The following ASTN2 variants were observed in gnomAD, a reference collection of about 807,000 sequenced individuals.
The protein encoded by ASTN2 is astrotactin 2, also known as astrotactin-2.
A neutral mutation model predicts 139.8 loss-of-function variants in ASTN2; 54 were observed. The observed-to-expected ratio is 0.39, with a 90% CI of 0.31 to 0.48. The LOEUF (loss-of-function observed/expected upper bound fraction) is 0.48, where lower values mean the gene tolerates loss of function less well. Among genes scored for constraint, ASTN2 ranks in the 20% least tolerant of loss-of-function variants. ASTN2 has a pLI of 0.95. For synonymous variants in ASTN2, 756 were observed against 719.5 expected, an observed-to-expected ratio of 1.05 and a Z score of -0.81; for missense variants, 1,565 against 1,725.1, an observed-to-expected ratio of 0.91 and a Z score of 1.64.
At chr9:117,096,016 T>A in intron 5 of ASTN2, 28 bp downstream of exon 5, 1 of 1,601,020 alleles carries the variant, frequency 6.2e-7, no homozygotes. Flanking sequence ...CAAACTCTGG[T>A]TCTGGAACCT....
At chr9:116,562,733 T>TAAAA (rs35878476) in intron 19 of ASTN2, among the ~76,000 whole-genome samples, 18 of 64,442 alleles carry the variant, frequency 2.8e-4, no homozygotes, top group Non-Finnish European at 4.2e-4. Flanking sequence ...ACTGCCTCAT[T>TAAAA]AAAAAAAAAA....
chr9:117,204,189 T>C (rs1831833089), intron 3 of ASTN2, among the ~76,000 whole-genome samples: 1 of 152,228 alleles, frequency 6.6e-6, no homozygotes, highest in South Asian at 2.1e-4. Context: ...GGGACCAAGC[T>C]GTGTAGCCTC....
At chr9:116,503,023 GA>G (rs1564323908) in intron 19 of ASTN2, among the ~76,000 whole-genome samples, 1 of 130,310 alleles carries the variant, frequency 7.7e-6, no homozygotes, top group Non-Finnish European at 1.6e-5. Flanking sequence ...TGAAAGGAAA[GA>G]AAAAAGGAGG....
At chr9:116,882,137 C>A (rs1481981006) in intron 10 of ASTN2, among the ~76,000 whole-genome samples, 1 of 152,170 alleles carries the variant, frequency 6.6e-6, no homozygotes, top group East Asian at 1.9e-4. Context: ...TAAGTACCTG[C>A]TCTTTCTGGC....
At chr9:116,497,399 G>C (rs991585374) in intron 19 of ASTN2, among the ~76,000 whole-genome samples, 1 of 152,198 alleles carries the variant, frequency 6.6e-6, no homozygotes, top group African/African-American at 2.4e-5. Context: ...GACTACAACT[G>C]TGGTCACAGC....
intron 7 of ASTN2, among the ~76,000 whole-genome samples, chr9:116,985,383 T>C (rs996374161): frequency 1.3e-5 from 2 of 152,198 alleles, no homozygotes; most frequent in Non-Finnish European, 2.9e-5. Context: ...GAGATTAGAT[T>C]CCTTAATCAA....
At chr9:117,263,764 T>C (rs1292872655) in intron 2 of ASTN2, among the ~76,000 whole-genome samples, 1 of 152,228 alleles carries the variant, frequency 6.6e-6, no homozygotes, top group Non-Finnish European at 1.5e-5. Flanking sequence ...ACACACTTGA[T>C]GTTCACAACG....
intron 3 of ASTN2, among the ~76,000 whole-genome samples, chr9:117,187,051 C>T (rs772486605): frequency 6.6e-6 from 1 of 152,128 alleles, no homozygotes; most frequent in Non-Finnish European, 1.5e-5. Context: ...AACTCTTGGA[C>T]CTGCAAGGCA....
At chr9:116,702,021 T>C (rs1474831877) in intron 16 of ASTN2, among the ~76,000 whole-genome samples, 1 of 152,052 alleles carries the variant, frequency 6.6e-6, no homozygotes, top group Non-Finnish European at 1.5e-5. Flanking sequence ...AAGAATATGC[T>C]GTTTCCTCCC....
At chr9:116,599,293 C>T (rs1475369078) in intron 19 of ASTN2, among the ~76,000 whole-genome samples, 1 of 152,154 alleles carries the variant, frequency 6.6e-6, no homozygotes, top group Admixed American at 6.5e-5. Context: ...CAAGTGATAG[C>T]CACTTATTCA....
intron 10 of ASTN2, among the ~76,000 whole-genome samples, chr9:116,971,094 G>A (rs10759880): frequency 0.28 from 42,321 of 151,832 alleles, 6,137 homozygotes; most frequent in Admixed American, 0.36. Context: ...CTGTATTCCT[G>A]TGGTATATGG....
intron 11 of ASTN2, among the ~76,000 whole-genome samples, chr9:116,862,762 C>T (rs912351493): frequency 6.6e-6 from 1 of 151,350 alleles, no homozygotes; most frequent in African/African-American, 2.4e-5. Flanking sequence ...GCCTATGTGG[C>T]AATGTTTCCC....
intron 19 of ASTN2, among the ~76,000 whole-genome samples, chr9:116,505,756 G>A (rs1850081267): frequency 6.6e-6 from 1 of 152,108 alleles, no homozygotes; most frequent in Non-Finnish European, 1.5e-5. Context: ...TACTGCTCCA[G>A]CTAGAGCGCC....
intron 3 of ASTN2, among the ~76,000 whole-genome samples, chr9:117,171,171 A>AAAGAG (rs1317950973): frequency 6.6e-6 from 1 of 151,998 alleles, no homozygotes; most frequent in African/African-American, 2.4e-5. Context: ...GAAAAAAAGA[A>AAAGAG]AAGAAAAGAA....
At chr9:116,691,555 T>C (rs979310802) in intron 16 of ASTN2, among the ~76,000 whole-genome samples, 9 of 152,236 alleles carry the variant, frequency 5.9e-5, no homozygotes, top group Non-Finnish European at 1.2e-4. Context: ...TTTCTTTCTC[T>C]ACAAACATAC....
At chr9:116,722,650 T>C (rs751810770) in intron 16 of ASTN2, among the ~76,000 whole-genome samples, 14 of 152,190 alleles carry the variant, frequency 9.2e-5, no homozygotes, top group Non-Finnish European at 1.6e-4. Flanking sequence ...TGAGTACCCT[T>C]GCCTCCTTTG....
intron 10 of ASTN2, among the ~76,000 whole-genome samples, chr9:116,910,690 A>C (rs1032932993): frequency 3.9e-5 from 6 of 152,272 alleles, no homozygotes; most frequent in African/African-American, 1.4e-4. Flanking sequence ...TCATAAAAGA[A>C]AAAAAAACCA....
At chr9:116,740,054 C>T (rs1829056776) in intron 13 of ASTN2, among the ~76,000 whole-genome samples, 1 of 152,176 alleles carries the variant, frequency 6.6e-6, no homozygotes, top group Non-Finnish European at 1.5e-5. Context: ...GACAGAGGGG[C>T]CAGGGGCCAC....
intron 13 of ASTN2, among the ~76,000 whole-genome samples, chr9:116,751,404 C>T (rs1221495126): frequency 2.0e-5 from 3 of 152,150 alleles, no homozygotes; most frequent in African/African-American, 7.2e-5. Flanking sequence ...GCGTTTCTTA[C>T]TAAGTTTCAG....
Sources: gnomAD v4.1 joint callset for allele counts (sites outside exome capture counted in the v4.1 genomes callset) on GRCh38, gnomAD v4.1.1 for gene constraint, MANE v1.5 for transcripts, NCBI Gene and HGNC (gene_info 2026-07-23, HGNC 2026-07-21) for gene names.